The following CPQ variants were observed in gnomAD, a reference collection of about 807,000 sequenced individuals.
CPQ encodes the protein Ser-Met dipeptidase.
CPQ carries 37 observed loss-of-function variants against 45.7 expected under a neutral mutation model. The ratio of observed to expected loss-of-function variants is 0.81; its 90% CI spans 0.62 to 1.07. CPQ has a LOEUF of 1.07. Ranked by LOEUF, CPQ falls within the 50% of genes least tolerant of loss-of-function variation. CPQ has a pLI of 0.00. For missense variants in CPQ, 537 were observed against 572.9 expected (o/e 0.94, Z 0.64); for synonymous variants, 186 against 205.8 (o/e 0.90, Z 0.82).
At chr8:96,954,661 A>G (rs1232184834) in intron 4 of CPQ, among the ~76,000 whole-genome samples, 1 of 152,066 alleles carries the variant, frequency 6.6e-6, no homozygotes, top group African/African-American at 2.4e-5. Flanking sequence ...TTTGTCACAT[A>G]TGTATACCTG....
intron 4 of CPQ, among the ~76,000 whole-genome samples, chr8:96,896,013 T>C (rs1023539281): frequency 8.5e-5 from 13 of 152,132 alleles, no homozygotes; most frequent in African/African-American, 3.1e-4. Context: ...GAGTTTATAC[T>C]GTAAATCTCC....
Position 97,021,914 on chromosome 8 carries a change from C to T in CPQ, c.962-7489C>T, listed in dbSNP as rs183001884. ...ATACATACAGAACCAAAAAAAGAGC[C>T]CACATAGCTGAAGCGAGACTAAGCA... On this transcript the variant is annotated intron_variant, in intron 5 of 7. Coordinates refer to ENST00000220763, the MANE Select transcript of CPQ (RefSeq NM_016134.4). Among the ~76,000 whole-genome samples, 38 of 152,100 alleles carry T rather than the reference C, an allele frequency of 2.5e-4. No homozygotes were observed. The East Asian group carries it at 6.8e-3, about 27-fold the overall frequency.
intron 1 of CPQ, among the ~76,000 whole-genome samples, chr8:96,684,889 G>A (rs1809205112): frequency 6.6e-6 from 1 of 151,864 alleles, no homozygotes; most frequent in Non-Finnish European, 1.5e-5. Flanking sequence ...CACGAGGTCT[G>A]GAGTTCGAGA....
intron 2 of CPQ, among the ~76,000 whole-genome samples, chr8:96,807,124 C>T (rs1259292832): frequency 1.3e-5 from 2 of 152,126 alleles, no homozygotes; most frequent in Non-Finnish European, 2.9e-5. Flanking sequence ...AGGAAATTAA[C>T]ATATAACCAC....
intron 1 of CPQ, among the ~76,000 whole-genome samples, chr8:96,707,690 TGA>T: frequency 6.9e-6 from 1 of 144,358 alleles, no homozygotes; most frequent in Non-Finnish European, 1.5e-5. Flanking sequence ...AATGAATGAA[TGA>T]TTTTTTTTTT....
chr8:96,972,484 C>G (rs1813696283), intron 5 of CPQ, among the ~76,000 whole-genome samples: 1 of 152,194 alleles, frequency 6.6e-6, no homozygotes, highest in Non-Finnish European at 1.5e-5. Flanking sequence ...TACCTATCAC[C>G]TGAGAAACCA....
At chr8:96,796,934 C>T (rs1205104510) in intron 2 of CPQ, among the ~76,000 whole-genome samples, 2 of 152,160 alleles carry the variant, frequency 1.3e-5, no homozygotes, top group Non-Finnish European at 2.9e-5. Context: ...ACTGGTTTAA[C>T]CAGCTATGAA....
At chr8:96,774,881 A>G (rs1303383454) in intron 1 of CPQ, among the ~76,000 whole-genome samples, 1 of 152,228 alleles carries the variant, frequency 6.6e-6, no homozygotes, top group Non-Finnish European at 1.5e-5. Flanking sequence ...AAAGTAGTTT[A>G]TAAGTTGGAA....
chr8:96,951,342 T>C (rs1813261475), intron 4 of CPQ, among the ~76,000 whole-genome samples: 1 of 152,122 alleles, frequency 6.6e-6, no homozygotes, highest in African/African-American at 2.4e-5. Context: ...TCTCCCTGTG[T>C]TCAAGGCCCT....
At chr8:96,979,076 C>G (rs778560366) in intron 5 of CPQ, among the ~76,000 whole-genome samples, 2 of 150,448 alleles carry the variant, frequency 1.3e-5, no homozygotes, top group East Asian at 3.9e-4. Context: ...CAAATTAGAA[C>G]TCATGAAAGT....
At chr8:96,926,351 C>G (rs1812873259) in intron 4 of CPQ, among the ~76,000 whole-genome samples, 1 of 152,136 alleles carries the variant, frequency 6.6e-6, no homozygotes, top group Non-Finnish European at 1.5e-5. Context: ...CTGTCTCTAT[C>G]ACTTTGGGGT....
chr8:97,078,631 T>C (rs1011932439), intron 7 of CPQ, among the ~76,000 whole-genome samples: 2 of 152,166 alleles, frequency 1.3e-5, no homozygotes, highest in Admixed American at 1.3e-4. Context: ...ATCAACACGA[T>C]CACCAACAGT....
intron 2 of CPQ, among the ~76,000 whole-genome samples, chr8:96,820,367 G>C (rs978810719): frequency 7.2e-5 from 11 of 151,956 alleles, no homozygotes; most frequent in African/African-American, 2.7e-4. Flanking sequence ...ATTTTTTATT[G>C]TACTAAAATA....
chr8:97,134,174 C>T (rs917491259), intron 7 of CPQ, among the ~76,000 whole-genome samples: 1 of 152,150 alleles, frequency 6.6e-6, no homozygotes, highest in Non-Finnish European at 1.5e-5. Flanking sequence ...TTCATTTACC[C>T]ATTCAGTGAT....
intron 1 of CPQ, among the ~76,000 whole-genome samples, chr8:96,730,857 CCATA>C (rs1290971456): frequency 1.3e-5 from 1 of 77,770 alleles, no homozygotes; most frequent in African/African-American, 4.9e-5. Flanking sequence ...GATCAATTAA[CCATA>C]CATACATATA....
chr8:96,815,298 A>C (rs1448658548), intron 2 of CPQ, among the ~76,000 whole-genome samples: 2 of 152,108 alleles, frequency 1.3e-5, no homozygotes, highest in East Asian at 1.9e-4. Flanking sequence ...AAGATGTTTT[A>C]ATCTACATTG....
At chr8:96,648,632 G>A (rs180692921) in intron 1 of CPQ, among the ~76,000 whole-genome samples, 1 of 152,286 alleles carries the variant, frequency 6.6e-6, no homozygotes, top group East Asian at 1.9e-4. Flanking sequence ...AAATAGGAGA[G>A]TGACCCATCT....
chr8:96,691,541 T>C (rs1034322448), intron 1 of CPQ, among the ~76,000 whole-genome samples: 4 of 152,188 alleles, frequency 2.6e-5, no homozygotes, highest in African/African-American at 9.7e-5. Context: ...TATATAGCAA[T>C]GTCTTTGTGA....
intron 1 of CPQ, among the ~76,000 whole-genome samples, chr8:96,751,544 C>T (rs937277116): frequency 2.0e-5 from 3 of 151,984 alleles, no homozygotes; most frequent in Non-Finnish European, 2.9e-5. Flanking sequence ...TTAGACCTCT[C>T]TCAGATTATT....
Sources: allele counts gnomAD v4.1 joint callset (sites outside exome capture counted in the v4.1 genomes callset), GRCh38; gene constraint gnomAD v4.1.1; transcripts MANE v1.5; gene names NCBI Gene and HGNC (gene_info 2026-07-23, HGNC 2026-07-21).